The following BOLA3 variants were observed in gnomAD, a reference collection of about 807,000 sequenced individuals.
BOLA3 encodes bolA-like protein 3.
In BOLA3, 8 loss-of-function variants were observed where a neutral mutation model predicts 14.5. That is an observed-to-expected ratio of 0.55 (90% confidence interval 0.32 to 0.99). The LOEUF is 0.99. Among genes scored for constraint, BOLA3 ranks in the 50% least tolerant of loss-of-function variants. The pLI is 0.04. For synonymous variants in BOLA3, 42 were observed against 45.7 expected (o/e 0.92, Z 0.33); for missense variants, 115 against 138.2 (o/e 0.83, Z 0.84).
At chr2:74,141,230 T>G (rs1432800541) in intron 3 of BOLA3, among the ~76,000 whole-genome samples, 1 of 152,168 alleles carries the variant, frequency 6.6e-6, no homozygotes, top group Non-Finnish European at 1.5e-5. Context: ...TCACATCCAC[T>G]GCAAAGGGCT....
chr2:74,147,727 G>T, intron 1 of BOLA3, 94 bp downstream of exon 1: 1 of 1,308,546 alleles, frequency 7.6e-7, no homozygotes, highest in Non-Finnish European at 1.1e-6. Flanking sequence ...GCGCCCTCCG[G>T]GAGCCAGTCC....
intron 2 of BOLA3, among the ~76,000 whole-genome samples, chr2:74,142,781 G>A (rs1194751935): frequency 6.6e-6 from 1 of 152,214 alleles, no homozygotes; most frequent in Non-Finnish European, 1.5e-5. Flanking sequence ...ACTACAATTT[G>A]GTTTGAAAAC....
chr2:74,140,207 C>T (rs924198499), intron 3 of BOLA3, among the ~76,000 whole-genome samples: 1 of 152,038 alleles, frequency 6.6e-6, no homozygotes, highest in African/African-American at 2.4e-5. Context: ...TTGCTTGAAC[C>T]CAGGAGGCAG....
At chr2:74,142,123 C>T (rs1421250833) in intron 3 of BOLA3, 149 bp downstream of exon 3, 1 of 662,274 alleles carries the variant, frequency 1.5e-6, no homozygotes, top group Non-Finnish European at 2.7e-6. Flanking sequence ...CTCCCAGATT[C>T]GATTTTTCTC....
At chr2:74,146,884 A>G (rs1692555302) in intron 1 of BOLA3, 1 of 152,600 alleles carries the variant, frequency 6.6e-6, no homozygotes, top group Admixed American at 6.5e-5. Flanking sequence ...AGAACTAGTC[A>G]ATTAGGGACA....
rs1216819695 is a variant in BOLA3, at chr2:74,147,836, G to T, written c.39C>A (p.Leu13=). 1 of 1,527,028 alleles carries T rather than the reference G, an allele frequency of 6.5e-7. No homozygotes were observed. Among genetic ancestry groups the T allele is most frequent in the Non-Finnish European group, 8.7e-7 (1 of 1,143,924 alleles). 94.6% of individuals were successfully genotyped at this position (1,527,028 alleles called of 1,614,324 possible). The change falls in exon 1 of 4, where the codon CTC becomes CTA. Residue 13 remains leucine (L), a synonymous_variant. Coordinates refer to ENST00000327428, the MANE Select transcript of BOLA3 (RefSeq NM_212552.3). ...AWSPAAAAPL[L]RGIRGLPLHH... ...CCACGCTCACCCCGCGGATCCCGCG[G>T]AGGAGAGGCGCTGCCGCGGCCGGGC...
intron 1 of BOLA3, 120 bp downstream of exon 1, chr2:74,147,701 A>T: frequency 1.1e-6 from 1 of 878,136 alleles, no homozygotes; most frequent in Non-Finnish European, 1.8e-6. Flanking sequence ...GGAGCCCCCC[A>T]TTGCCAGTGC....
At chr2:74,139,174 G>A (rs1307920874) in intron 3 of BOLA3, among the ~76,000 whole-genome samples, 1 of 152,172 alleles carries the variant, frequency 6.6e-6, no homozygotes, top group African/African-American at 2.4e-5. Flanking sequence ...ATCCCGCAGG[G>A]ACAGTCTGAT....
chr2:74,146,275 G>A (rs941157240), intron 1 of BOLA3: 1 of 152,230 alleles, frequency 6.6e-6, no homozygotes. Flanking sequence ...TTACAGGCAT[G>A]AGCCACCACG....
At chr2:74,143,870 G>A (rs1027650447) in intron 2 of BOLA3, among the ~76,000 whole-genome samples, 1 of 117,020 alleles carries the variant, frequency 8.5e-6, no homozygotes, top group Non-Finnish European at 1.8e-5. Flanking sequence ...TTTTTTTTTT[G>A]TATTTCTGGT....
intron 2 of BOLA3, among the ~76,000 whole-genome samples, chr2:74,143,487 G>A (rs919287003): frequency 3.3e-5 from 5 of 151,864 alleles, no homozygotes; most frequent in Admixed American, 6.6e-5. Context: ...ATGTGCTCTA[G>A]GAGTCCAAGT....
chr2:74,147,713 G>A, intron 1 of BOLA3, 108 bp downstream of exon 1: 2 of 1,066,662 alleles, frequency 1.9e-6, no homozygotes, highest in Non-Finnish European at 2.8e-6. Flanking sequence ...TGCCAGTGCC[G>A]CGCGCGCCCT....
chr2:74,141,561 T>G (rs1357585878), intron 3 of BOLA3, among the ~76,000 whole-genome samples: 2 of 148,762 alleles, frequency 1.3e-5, no homozygotes, highest in South Asian at 2.2e-4. Context: ...CAGAGAAGGG[T>G]GGGGGGAAAT....
chr2:74,141,916 C>T (rs1037334242), intron 3 of BOLA3, among the ~76,000 whole-genome samples: 1 of 152,130 alleles, frequency 6.6e-6, no homozygotes, highest in Non-Finnish European at 1.5e-5. Flanking sequence ...GTAAAGCAGT[C>T]CCAAAGAGAG....
At chr2:74,146,109 C>T (rs1219939053) in intron 1 of BOLA3, 1 of 152,202 alleles carries the variant, frequency 6.6e-6, no homozygotes. Flanking sequence ...TCTCCTGCCC[C>T]AGCCTCCTGA....
chr2:74,147,691 G>A (rs2103661956), intron 1 of BOLA3, 130 bp downstream of exon 1: 1 of 779,286 alleles, frequency 1.3e-6, no homozygotes, highest in Non-Finnish European at 2.1e-6. Flanking sequence ...GAAAGGAAGA[G>A]GAGCCCCCCA....
At position 74,137,865 on chromosome 2, in the gene BOLA3, C is replaced by T. The variant is rs530512100; in HGVS notation, c.259-2207G>A. ...GAAAAAGCCTCATATAATCACTGGG[C>T]GAAGGTCCCTGGGCCACTTGCTCTC... is the stretch of plus-strand genomic sequence containing the variant. On this transcript the variant is annotated intron_variant, in intron 3 of 3. Coordinates refer to ENST00000327428, the MANE Select transcript of BOLA3 (RefSeq NM_212552.3). 3.1e-4 allele frequency among the ~76,000 whole-genome samples: 47 copies of T among 152,318 alleles called. No homozygotes were observed. The South Asian group carries it at 8.7e-3, about 28-fold the overall frequency.
Position 74,135,587 on chromosome 2 carries a change from G to C in BOLA3, c.*6C>G. 1.2e-6 allele frequency: 2 copies of C among 1,613,984 alleles called. No homozygotes were observed. The highest frequency in any genetic ancestry group is 8.5e-7 in the Non-Finnish European group (1 of 1,179,902). ...AAGCAGCAGCATCTATGCAGCCAGG[G>C]CGTGGTCAGCGTTTGGGGACAGAGG... On this transcript the variant is annotated 3_prime_UTR_variant, in exon 4 of 4. Coordinates refer to ENST00000327428, the MANE Select transcript of BOLA3 (RefSeq NM_212552.3).
rs9789534 is a variant in BOLA3, at chr2:74,135,863, T to A, written c.259-205A>T. Among the ~76,000 whole-genome samples the A allele has an allele frequency of 0.22, 33,748 of 151,990 alleles. 4,442 individuals are homozygous for A. Among genetic ancestry groups the A allele is most frequent in the East Asian group, 0.47 (2,455 of 5,174 alleles). ...AAGATTCAAAGGTACAAAAAGGCAT[T>A]CAGGGAAGTCTCCCTCCTATACCTG... On this transcript the variant is annotated intron_variant, in intron 3 of 3. Transcript: ENST00000327428.
Sources: gnomAD v4.1 joint callset for allele counts (sites outside exome capture counted in the v4.1 genomes callset) on GRCh38, gnomAD v4.1.1 for gene constraint, MANE v1.5 for transcripts, NCBI Gene and HGNC (gene_info 2026-07-23, HGNC 2026-07-21) for gene names.